Variants in CHODL observed in about 807,000 individuals in gnomAD.
CHODL encodes the protein transmembrane protein MT75.
CHODL carries 29 observed loss-of-function variants against 34.5 expected under a neutral mutation model. The ratio of observed to expected loss-of-function variants is 0.84; its 90% CI spans 0.63 to 1.15. CHODL has a LOEUF of 1.15. CHODL is among the 50% of genes most tolerant of loss of function. CHODL has a pLI of 0.00. For missense variants in CHODL, 332 were observed against 332.5 expected, an observed-to-expected ratio of 1.00 and a Z score of 0.01; for synonymous variants, 125 against 116.1, an observed-to-expected ratio of 1.08 and a Z score of -0.49.
At chr21:17,950,085 C>G (rs1023114818) in intron 1 of CHODL, among the ~76,000 whole-genome samples, 1 of 152,152 alleles carries the variant, frequency 6.6e-6, no homozygotes, top group South Asian at 2.1e-4. Context: ...TGCTTCACTT[C>G]ATTCTGTCTT....
intron 2 of CHODL, among the ~76,000 whole-genome samples, chr21:18,195,967 C>T (rs749055981): frequency 1.2e-4 from 18 of 152,134 alleles, no homozygotes; most frequent in Non-Finnish European, 2.6e-4. Flanking sequence ...ACCCTTCTGA[C>T]CATGGTGAAC....
chr21:18,015,651 A>T (rs2064065991), intron 1 of CHODL, among the ~76,000 whole-genome samples: 1 of 152,182 alleles, frequency 6.6e-6, no homozygotes, highest in Non-Finnish European at 1.5e-5. Flanking sequence ...AATGTCCTGG[A>T]GACTCATTGA....
At chr21:18,074,204 A>G (rs1194454083) in intron 2 of CHODL, among the ~76,000 whole-genome samples, 1 of 152,178 alleles carries the variant, frequency 6.6e-6, no homozygotes, top group Non-Finnish European at 1.5e-5. Flanking sequence ...TTTGCCTGTC[A>G]GCCTTTATGA....
At chr21:17,939,335 T>C (rs1199739018) in intron 1 of CHODL, among the ~76,000 whole-genome samples, 2 of 152,216 alleles carry the variant, frequency 1.3e-5, no homozygotes, top group Non-Finnish European at 2.9e-5. Context: ...GCAGTATTTG[T>C]CTTTCTGTGG....
intron 2 of CHODL, among the ~76,000 whole-genome samples, chr21:18,164,913 C>G (rs1282587847): frequency 2.6e-5 from 4 of 152,200 alleles, no homozygotes; most frequent in Non-Finnish European, 5.9e-5. Flanking sequence ...CATGTTCTCC[C>G]TCAAACAATT....
At chr21:18,069,136 G>T (rs1011905916) in intron 2 of CHODL, among the ~76,000 whole-genome samples, 1 of 152,110 alleles carries the variant, frequency 6.6e-6, no homozygotes, top group Non-Finnish European at 1.5e-5. Context: ...ATAAGAAAAT[G>T]TTAATATTAA....
At chr21:18,154,498 C>T (rs2073009511) in intron 2 of CHODL, among the ~76,000 whole-genome samples, 1 of 152,098 alleles carries the variant, frequency 6.6e-6, no homozygotes, top group Non-Finnish European at 1.5e-5. Context: ...TGTGCCTTTT[C>T]TTCTGTTAAT....
chr21:17,937,525 C>T (rs1242397969), intron 1 of CHODL, among the ~76,000 whole-genome samples: 2 of 152,160 alleles, frequency 1.3e-5, no homozygotes. Flanking sequence ...ACAGGTCATA[C>T]TTATAGTTCT....
chr21:18,121,100 T>C (rs981797401), intron 2 of CHODL, among the ~76,000 whole-genome samples: 2 of 152,146 alleles, frequency 1.3e-5, no homozygotes, highest in African/African-American at 4.8e-5. Flanking sequence ...ACTCATACTT[T>C]TCAAGTTCCT....
At chr21:18,001,841 A>G (rs1300940542) in intron 1 of CHODL, among the ~76,000 whole-genome samples, 1 of 151,298 alleles carries the variant, frequency 6.6e-6, no homozygotes, top group African/African-American at 2.4e-5. Context: ...GTCACAAAAG[A>G]AAAGCCTAGG....
chr21:17,948,157 G>T (rs773209369), intron 1 of CHODL, among the ~76,000 whole-genome samples: 13 of 152,108 alleles, frequency 8.5e-5, no homozygotes, highest in Non-Finnish European at 1.8e-4. Flanking sequence ...AAAGGTTGAA[G>T]TATGGGAGAG....
intron 1 of CHODL, among the ~76,000 whole-genome samples, chr21:18,248,009 CTT>C (rs3077959): frequency 6.9e-6 from 1 of 144,194 alleles, no homozygotes; most frequent in African/African-American, 2.5e-5. Context: ...TAATGTGTTT[CTT>C]TTTTTTTTTT....
chr21:18,149,020 G>A (rs2072933340), intron 2 of CHODL, among the ~76,000 whole-genome samples: 1 of 152,020 alleles, frequency 6.6e-6, no homozygotes, highest in Admixed American at 6.6e-5. Flanking sequence ...TCTAATTAGA[G>A]AACTTATTTT....
chr21:18,203,506 C>G (rs2073678423), intron 2 of CHODL, among the ~76,000 whole-genome samples: 1 of 152,140 alleles, frequency 6.6e-6, no homozygotes, highest in South Asian at 2.1e-4. Flanking sequence ...TCTAGCTACA[C>G]ATTCCATTTT....
chr21:18,106,625 G>A (rs1427015683), intron 2 of CHODL, among the ~76,000 whole-genome samples: 1 of 151,498 alleles, frequency 6.6e-6, no homozygotes, highest in Non-Finnish European at 1.5e-5. Flanking sequence ...CCTCCAAATA[G>A]CTGGGACTAC....
chr21:18,112,447 G>A (rs969946986), intron 2 of CHODL, among the ~76,000 whole-genome samples: 3 of 151,588 alleles, frequency 2.0e-5, no homozygotes, highest in Non-Finnish European at 4.4e-5. Context: ...AAAAGACCCA[G>A]AATAGCCAAA....
chr21:18,233,577 C>T (rs1297980241), intron 2 of CHODL, among the ~76,000 whole-genome samples: 2 of 152,006 alleles, frequency 1.3e-5, no homozygotes, highest in East Asian at 3.9e-4. Flanking sequence ...AAATTAAGTC[C>T]CAGAGTTTTC....
intron 2 of CHODL, among the ~76,000 whole-genome samples, chr21:18,145,672 G>A (rs916134841): frequency 6.6e-6 from 1 of 152,142 alleles, no homozygotes; most frequent in African/African-American, 2.4e-5. Context: ...ATATATTACT[G>A]TGTTTCTAAG....
At chr21:17,984,506 G>A (rs1269821634) in intron 1 of CHODL, among the ~76,000 whole-genome samples, 1 of 151,768 alleles carries the variant, frequency 6.6e-6, no homozygotes, top group African/African-American at 2.4e-5. Context: ...AACCCTTTAT[G>A]AAAATATAAT....
Sources: gnomAD v4.1 joint callset for allele counts (sites outside exome capture counted in the v4.1 genomes callset) on GRCh38, gnomAD v4.1.1 for gene constraint, MANE v1.5 for transcripts, NCBI Gene and HGNC (gene_info 2026-07-23, HGNC 2026-07-21) for gene names.